The following IQGAP1 variants were observed in gnomAD, a reference collection of about 807,000 sequenced individuals.
IQGAP1 encodes the protein ras GTPase-activating-like protein IQGAP1.
A neutral mutation model predicts 215.6 loss-of-function variants in IQGAP1; 66 were observed. The observed-to-expected ratio is 0.31, with a 90% confidence interval of 0.25 to 0.38. The LOEUF is 0.38. Among genes scored for constraint, IQGAP1 ranks in the 10% least tolerant of loss-of-function variants. The pLI is 1.00. For synonymous variants in IQGAP1, 772 were observed against 728.7 expected (o/e 1.06, Z -0.96); for missense variants, 1,712 against 1,997.1 (o/e 0.86, Z 2.72).
chr15:90,474,067 A>C lies in IQGAP1; in HGVS notation c.2509A>C (p.Asn837His). 6.2e-7 allele frequency: 1 copy of C among 1,613,348 alleles called. No homozygotes were observed. Among genetic ancestry groups the C allele is most frequent in the South Asian group, 1.1e-5 (1 of 90,980 alleles). ...TTTCTTCTTTTTTGTTCCTTAGATA[A>C]ATGACATTATCAAAATCCAGGCTTT... is the stretch of plus-strand genomic sequence containing the variant. ...DRLQYFRDHI[N>H]DIIKIQAFIR... Residue 837 changes from asparagine (N) to histidine (H), a missense_variant, in exon 22 of 38, where the codon AAT becomes CAT. Around this residue, in one of 2 missense-constraint regions of IQGAP1, gnomAD observed 1,021 missense variants for 1,074.2 expected, o/e 0.95. Transcript: ENST00000268182.
At chr15:90,486,466 G>T (rs1966128498) in intron 31 of IQGAP1, 1 of 218,496 alleles carries the variant, frequency 4.6e-6, no homozygotes, top group Admixed American at 5.5e-5. Context: ...TTATGAGACA[G>T]GGTCTCCCTC....
intron 14 of IQGAP1, among the ~76,000 whole-genome samples, chr15:90,455,764 A>T (rs1482698792): frequency 6.6e-6 from 1 of 152,240 alleles, no homozygotes; most frequent in Non-Finnish European, 1.5e-5. Context: ...GTGTTGAATT[A>T]GATGACTTTT....
chr15:90,498,115 C>G (rs989199999), intron 37 of IQGAP1, among the ~76,000 whole-genome samples: 2 of 151,712 alleles, frequency 1.3e-5, no homozygotes, highest in African/African-American at 4.8e-5. Context: ...GTGCCTCCCC[C>G]AGCCAAGCCA....
chr15:90,446,670 GA>G (rs754016076), intron 9 of IQGAP1, among the ~76,000 whole-genome samples: 2 of 152,138 alleles, frequency 1.3e-5, no homozygotes, highest in African/African-American at 4.8e-5. Flanking sequence ...CGGGTTCCAG[GA>G]ATTAATGTAA....
At chr15:90,481,311 T>C (rs1042599553) in intron 26 of IQGAP1, among the ~76,000 whole-genome samples, 3 of 138,930 alleles carry the variant, frequency 2.2e-5, no homozygotes, top group Admixed American at 7.5e-5. Context: ...AAGGTCTTGC[T>C]CAAGCAGTCC....
Position 90,501,881 on chromosome 15 carries a change from T to G in IQGAP1, c.*1773T>G, listed in dbSNP as rs1366357599. Reference sequence around the variant, plus strand: ...ATAATGAGCAGAGTTTACAGCTCCTTTAATAAAATGTGTCAGTAATTTTAA... The same window carrying G: ...ATAATGAGCAGAGTTTACAGCTCCTGTAATAAAATGTGTCAGTAATTTTAA... On this transcript the variant is annotated 3_prime_UTR_variant, in exon 38 of 38. Transcript: ENST00000268182. 1 of 152,224 alleles carries G rather than the reference T, an allele frequency of 6.6e-6. No homozygotes were observed. The highest frequency in any genetic ancestry group is 2.4e-5 in the African/African-American group (1 of 41,446). The allele number at this position is 152,224 out of a possible 1,614,324, so 9.4% of individuals were successfully genotyped here.
At position 90,406,621 on chromosome 15, in the gene IQGAP1, A is replaced by G. The variant is rs558448669; in HGVS notation, c.155+15748A>G. 1.5e-4 allele frequency among the ~76,000 whole-genome samples: 23 copies of G among 152,354 alleles called. No homozygotes were observed. In the South Asian group the frequency reaches 4.3e-3, roughly 29 times the overall value. ...AAAGAGCTGCAGATTTTTAGTTCAG[A>G]GAAAGCACTTTTAGGGCATGTTATT... On this transcript the variant is annotated intron_variant, in intron 2 of 37. Transcript: ENST00000268182.
At chr15:90,429,443 CT>C in intron 3 of IQGAP1, 145 bp from the exon 4 acceptor site, 1 of 562,352 alleles carries the variant, frequency 1.8e-6, no homozygotes, top group Non-Finnish European at 3.0e-6. Context: ...GTGGATTTGG[CT>C]TTTTGGTATT....
chr15:90,457,130 C>T (rs1317411425), intron 15 of IQGAP1, among the ~76,000 whole-genome samples: 1 of 151,754 alleles, frequency 6.6e-6, no homozygotes, highest in Non-Finnish European at 1.5e-5. Context: ...CCTCATATCC[C>T]CTTCCACCCT....
At chr15:90,445,742 A>G (rs187820250) in intron 9 of IQGAP1, among the ~76,000 whole-genome samples, 11 of 152,316 alleles carry the variant, frequency 7.2e-5, no homozygotes, top group South Asian at 2.1e-4. Context: ...TGGAGGGCCA[A>G]ATTTCTCATT....
chr15:90,488,828 GA>G (rs1725805349), intron 33 of IQGAP1, among the ~76,000 whole-genome samples: 1 of 152,156 alleles, frequency 6.6e-6, no homozygotes, highest in Admixed American at 6.6e-5. Flanking sequence ...GATGCGACTA[GA>G]CTACATGTCT....
At chr15:90,473,658 TAAC>T in intron 19 of IQGAP1, 54 bp from the exon 20 acceptor site, 2 of 1,290,618 alleles carry the variant, frequency 1.5e-6, no homozygotes, top group Admixed American at 3.9e-5. Context: ...AGTTTTTTTT[TAAC>T]TTCCATTGAT....
At chr15:90,447,975 G>A (rs537030212) in intron 9 of IQGAP1, among the ~76,000 whole-genome samples, 3 of 152,232 alleles carry the variant, frequency 2.0e-5, no homozygotes, top group African/African-American at 7.2e-5. Flanking sequence ...GGCACTGACT[G>A]TTGTGGGTGG....
chr15:90,420,868 A>G (rs1965123404), intron 2 of IQGAP1, among the ~76,000 whole-genome samples: 1 of 152,198 alleles, frequency 6.6e-6, no homozygotes, highest in Non-Finnish European at 1.5e-5. Flanking sequence ...AAATGTCTTT[A>G]TAGGCCGGGC....
chr15:90,431,946 G>A lies in IQGAP1; in HGVS notation c.391-1773G>A, dbSNP rs139743179. 2.9e-4 allele frequency among the ~76,000 whole-genome samples: 44 copies of A among 152,058 alleles called. 1 individual carries two copies. The highest frequency in any genetic ancestry group is 1.0e-3 in the African/African-American group (43 of 41,468). On this transcript the variant is annotated intron_variant, in intron 4 of 37. Coordinates refer to ENST00000268182, the MANE Select transcript of IQGAP1 (RefSeq NM_003870.4). ...TTTTCCCTGAGATATTTCTTAGTTTGATTTTTAAAATTGTTTTTAATCTGC... is the reference window on the plus strand; with the variant it reads ...TTTTCCCTGAGATATTTCTTAGTTTAATTTTTAAAATTGTTTTTAATCTGC...
At chr15:90,422,446 CTAT>C (rs1193771133) in intron 2 of IQGAP1, among the ~76,000 whole-genome samples, 1 of 151,700 alleles carries the variant, frequency 6.6e-6, no homozygotes, top group East Asian at 1.9e-4. Flanking sequence ...ATTCCTTGCA[CTAT>C]TATTTAATGG....
intron 2 of IQGAP1, among the ~76,000 whole-genome samples, chr15:90,403,897 A>T (rs540185405): frequency 1.3e-4 from 19 of 151,092 alleles, no homozygotes; most frequent in African/African-American, 4.1e-4. Flanking sequence ...CTGGTCTTGA[A>T]CTCCTGACCT....
At chr15:90,473,635 G>T in intron 19 of IQGAP1, 80 bp from the exon 20 acceptor site, 1 of 975,224 alleles carries the variant, frequency 1.0e-6, no homozygotes, top group East Asian at 2.5e-5. Context: ...CTTGGATCAT[G>T]TATCAAGATG....
At chr15:90,499,129 T>A (rs1278746834) in intron 37 of IQGAP1, among the ~76,000 whole-genome samples, 1 of 152,216 alleles carries the variant, frequency 6.6e-6, no homozygotes, top group East Asian at 1.9e-4. Context: ...TGGGGTCCTT[T>A]CAAGACTTTT....
Sources: gnomAD v4.1 joint callset for allele counts (sites outside exome capture counted in the v4.1 genomes callset) on GRCh38, gnomAD v4.1.1 for gene constraint, gnomAD v4.1.1 regional missense constraint, MANE v1.5 for transcripts, NCBI Gene and HGNC (gene_info 2026-07-23, HGNC 2026-07-21) for gene names.